The following ARMC2 variants were observed in gnomAD, a reference collection of about 807,000 sequenced individuals.
ARMC2 encodes the protein armadillo repeat containing 2.
In ARMC2, 67 loss-of-function variants were observed where a neutral mutation model predicts 90.3. The observed-to-expected ratio is 0.74, with a 90% CI of 0.61 to 0.91. ARMC2 has a LOEUF of 0.91. Among genes scored for constraint, ARMC2 ranks in the 40% least tolerant of loss-of-function variants. ARMC2 has a pLI of 0.00. For missense variants in ARMC2, 920 were observed against 1,030.9 expected, an observed-to-expected ratio of 0.89 and a Z score of 1.47; for synonymous variants, 393 against 393.0, an observed-to-expected ratio of 1.00 and a Z score of 0.00.
At chr6:108,955,138 C>T (rs137951809) in intron 13 of ARMC2, among the ~76,000 whole-genome samples, 190 of 152,314 alleles carry the variant, frequency 1.2e-3, no homozygotes, top group African/African-American at 4.5e-3. Flanking sequence ...AATACAGTCA[C>T]ATTGAAGGGA....
intron 1 of ARMC2, among the ~76,000 whole-genome samples, chr6:108,853,241 TG>T (rs1774184832): frequency 6.6e-6 from 1 of 152,130 alleles, no homozygotes; most frequent in Non-Finnish European, 1.5e-5. Flanking sequence ...AGGAAACAAA[TG>T]TTCTTATTGT....
chr6:108,960,281 G>A lies in ARMC2; in HGVS notation c.1916-1291G>A, dbSNP rs535134364. Among the ~76,000 whole-genome samples the A allele has an allele frequency of 5.5e-4, 83 of 152,114 alleles. 1 individual carries two copies. Among genetic ancestry groups the A allele is most frequent in the Admixed American group, 1.0e-3 (16 of 15,274 alleles). On this transcript the variant is annotated intron_variant, in intron 13 of 17. Coordinates refer to ENST00000392644, the MANE Select transcript of ARMC2 (RefSeq NM_032131.6). ...CTCTGCCAAGCACAGTCTCCACTCC[G>A]CCACATCTCCGCCATCACCCGTGTC...
At chr6:108,998,585 G>A in the ARMC2 span, 2 of 1,613,920 alleles carry the variant, frequency 1.2e-6, no homozygotes, top group East Asian at 2.2e-5. Flanking sequence ...CACAGATGCA[G>A]TAGTTGCTAA....
At chr6:108,892,192 T>G (rs2128455447) in intron 5 of ARMC2, among the ~76,000 whole-genome samples, 1 of 152,298 alleles carries the variant, frequency 6.6e-6, no homozygotes, top group African/African-American at 2.4e-5. Flanking sequence ...TCTTGTTATT[T>G]CTAGGAGTGA....
At position 108,885,302 on chromosome 6, in the gene ARMC2, CTT is replaced by C. The variant is rs1295381562; in HGVS notation, c.671+8954_671+8955del. Among the ~76,000 whole-genome samples, 3 of 152,044 alleles carry C rather than the reference CTT, an allele frequency of 2.0e-5. No individual in the cohort carries two copies. In the East Asian group the frequency reaches 5.8e-4, roughly 29 times the overall value. On this transcript the variant is annotated intron_variant, in intron 5 of 17. Transcript: ENST00000392644. ...CAACACTATTAAGTACCTTGGAGGA[CTT>C]TCTTAAAATTTTGATCTTACAGACA...
chr6:109,036,227 A>G, the ARMC2 span, among the ~76,000 whole-genome samples: 29 of 152,338 alleles, frequency 1.9e-4, no homozygotes, highest in Non-Finnish European at 4.4e-5. Context: ...CTAAAATAGA[A>G]TCTAAATGTC....
At chr6:108,988,288 A>C in the ARMC2 span, 1 of 317,468 alleles carries the variant, frequency 3.1e-6, no homozygotes, top group Non-Finnish European at 5.7e-6. Flanking sequence ...TTTATAAAAC[A>C]GTCTTCTATG....
At chr6:108,998,382 A>T in the ARMC2 span, 7 of 1,001,152 alleles carry the variant, frequency 7.0e-6, no homozygotes, top group Non-Finnish European at 2.9e-6. Flanking sequence ...CTACTGAATG[A>T]ATAGATATAG....
intron 5 of ARMC2, among the ~76,000 whole-genome samples, chr6:108,888,361 C>T (rs1192160063): frequency 6.6e-6 from 1 of 152,200 alleles, no homozygotes; most frequent in Non-Finnish European, 1.5e-5. Flanking sequence ...TTATTTACCA[C>T]ACCTTTCTAC....
chr6:108,889,439 C>T (rs764274718), intron 5 of ARMC2, among the ~76,000 whole-genome samples: 28 of 151,796 alleles, frequency 1.8e-4, no homozygotes, highest in Non-Finnish European at 2.8e-4. Context: ...ACCCACTGCG[C>T]CCTGCCTGTT....
chr6:108,927,982 T>C, intron 10 of ARMC2, 106 bp from the exon 11 acceptor site: 1 of 1,177,080 alleles, frequency 8.5e-7, no homozygotes. Flanking sequence ...GAGCTTTGCT[T>C]AGCTACTGAT....
chr6:108,937,887 G>C (rs1441819789), intron 12 of ARMC2, among the ~76,000 whole-genome samples: 1 of 151,892 alleles, frequency 6.6e-6, no homozygotes, highest in Non-Finnish European at 1.5e-5. Context: ...TAGTAGAGAC[G>C]AGGTTTCACC....
At chr6:108,963,972 C>T (rs971972139) in intron 15 of ARMC2, among the ~76,000 whole-genome samples, 18 of 152,250 alleles carry the variant, frequency 1.2e-4, no homozygotes, top group African/African-American at 4.1e-4. Flanking sequence ...CAGTATCTGT[C>T]GATTGGGGGA....
intron 4 of ARMC2, among the ~76,000 whole-genome samples, chr6:108,874,431 G>A (rs373201121): frequency 2.0e-5 from 3 of 152,132 alleles, no homozygotes; most frequent in East Asian, 1.9e-4. Flanking sequence ...AAAAGATAAC[G>A]GTAGGCTAAA....
chr6:109,035,554 A>T, the ARMC2 span, among the ~76,000 whole-genome samples: 29 of 152,076 alleles, frequency 1.9e-4, no homozygotes, highest in African/African-American at 7.0e-4. Flanking sequence ...GAGGGAAAAA[A>T]AAAAAGGAAA....
At chr6:108,968,565 A>C (rs889064911) in intron 17 of ARMC2, among the ~76,000 whole-genome samples, 2 of 152,160 alleles carry the variant, frequency 1.3e-5, no homozygotes, top group African/African-American at 2.4e-5. Context: ...CTTGGCAATG[A>C]GCACTCAGAC....
At chr6:109,049,857 T>C in the ARMC2 span, among the ~76,000 whole-genome samples, 1 of 152,020 alleles carries the variant, frequency 6.6e-6, no homozygotes, top group African/African-American at 2.4e-5. Context: ...AGTTGCATCA[T>C]GGGAATTAAA....
At chr6:108,932,768 TC>T (rs1419807369) in intron 11 of ARMC2, among the ~76,000 whole-genome samples, 6 of 152,062 alleles carry the variant, frequency 3.9e-5, no homozygotes, top group African/African-American at 1.5e-4. Context: ...GACCTCGTGA[TC>T]TGCCCGCCTC....
At chr6:108,852,340 C>T (rs967569158) in intron 1 of ARMC2, among the ~76,000 whole-genome samples, 6 of 151,960 alleles carry the variant, frequency 3.9e-5, no homozygotes, top group Admixed American at 3.3e-4. Flanking sequence ...ACAAGTTTCT[C>T]ACAATATAAT....
Sources: gnomAD v4.1 joint callset for allele counts (sites outside exome capture counted in the v4.1 genomes callset) on GRCh38, gnomAD v4.1.1 for gene constraint, MANE v1.5 for transcripts, NCBI Gene and HGNC (gene_info 2026-07-23, HGNC 2026-07-21) for gene names.